The following PDE10A variants were observed in gnomAD, a reference collection of about 807,000 sequenced individuals.
PDE10A encodes cAMP and cAMP-inhibited cGMP 3',5'-cyclic phosphodiesterase 10A.
PDE10A carries 39 observed loss-of-function variants against 97.7 expected under a neutral mutation model. The observed-to-expected ratio is 0.40, with a 90% CI of 0.31 to 0.52. PDE10A has a LOEUF of 0.52. Ranked by LOEUF, PDE10A falls within the 20% of genes least tolerant of loss-of-function variation. The probability of loss-of-function intolerance (pLI) is 0.56; values close to 1 mark genes in which losing one functional copy is unlikely to be tolerated. For synonymous variants in PDE10A, 371 were observed against 376.8 expected, an observed-to-expected ratio of 0.98 and a Z score of 0.18; for missense variants, 731 against 1,047.8, an observed-to-expected ratio of 0.70 and a Z score of 4.17.
chr6:165,590,018 G>C (rs950893926), intron 1 of PDE10A, among the ~76,000 whole-genome samples: 1 of 152,180 alleles, frequency 6.6e-6, no homozygotes, highest in Admixed American at 6.5e-5. Flanking sequence ...ATCACAAATT[G>C]AGATAAAAAG....
At chr6:165,555,945 A>G (rs1300659950) in intron 1 of PDE10A, among the ~76,000 whole-genome samples, 1 of 152,222 alleles carries the variant, frequency 6.6e-6, no homozygotes, top group Non-Finnish European at 1.5e-5. Context: ...GATTTTTTCA[A>G]TAATTATACT....
chr6:165,907,614 G>C (rs964348268), intron 1 of PDE10A, among the ~76,000 whole-genome samples: 2 of 152,250 alleles, frequency 1.3e-5, no homozygotes, highest in Admixed American at 1.3e-4. Context: ...GGTGTCAGGG[G>C]TTCGTGTGCT....
chr6:165,423,835 C>T lies in PDE10A; in HGVS notation c.1653+4823G>A, dbSNP rs147448114. On this transcript the variant is annotated intron_variant, in intron 10 of 21. Coordinates refer to ENST00000539869, the MANE Select transcript of PDE10A (RefSeq NM_001385079.1). ...ACTGTACTCCAGCCTCCTGACAGAG[C>T]GAGACTATGTCTCAGGAAAAAAAAA... Among the ~76,000 whole-genome samples the T allele has an allele frequency of 2.2e-4, 32 of 146,108 alleles. No individual in the cohort carries two copies. In the East Asian group the frequency reaches 5.9e-3, roughly 27 times the overall value.
At chr6:165,555,016 G>A (rs1784182591) in intron 1 of PDE10A, among the ~76,000 whole-genome samples, 1 of 152,092 alleles carries the variant, frequency 6.6e-6, no homozygotes, top group Admixed American at 6.6e-5. Flanking sequence ...TTACCAGAGA[G>A]GCTAGGAAGT....
chr6:165,929,970 C>T (rs1783074879), intron 1 of PDE10A, among the ~76,000 whole-genome samples: 1 of 148,282 alleles, frequency 6.7e-6, no homozygotes, highest in South Asian at 2.1e-4. Context: ...GGCAACATCA[C>T]TCCAGGCGTG....
chr6:165,401,774 G>T (rs559579776), intron 13 of PDE10A, among the ~76,000 whole-genome samples: 142 of 152,244 alleles, frequency 9.3e-4, no homozygotes, highest in Admixed American at 1.1e-3. Flanking sequence ...TCTAGTGCAT[G>T]AACTTTCTGA....
intron 2 of PDE10A, among the ~76,000 whole-genome samples, chr6:165,530,888 C>T (rs1782737776): frequency 1.3e-5 from 2 of 152,220 alleles, no homozygotes; most frequent in South Asian, 4.2e-4. Flanking sequence ...AAAATTCATT[C>T]AAAATATATA....
chr6:165,432,918 C>G, intron 7 of PDE10A, 56 bp downstream of exon 7: 3 of 1,338,304 alleles, frequency 2.2e-6, no homozygotes, highest in South Asian at 1.3e-5. Flanking sequence ...TAACAAGCAC[C>G]TTCAATGAGC....
At chr6:165,470,028 T>TA (rs1233097139) in intron 3 of PDE10A, among the ~76,000 whole-genome samples, 14 of 152,160 alleles carry the variant, frequency 9.2e-5, no homozygotes, top group Non-Finnish European at 1.5e-5. Flanking sequence ...AGTGAGGGCA[T>TA]TGGTGTTTAG....
At chr6:165,494,454 G>C (rs2128290234) in intron 2 of PDE10A, among the ~76,000 whole-genome samples, 1 of 130,322 alleles carries the variant, frequency 7.7e-6, no homozygotes, top group East Asian at 2.3e-4. Flanking sequence ...TAAAGAAAAT[G>C]TGGGGGGGGG....
chr6:165,928,297 T>TA (rs1783008870), intron 1 of PDE10A, among the ~76,000 whole-genome samples: 1 of 152,152 alleles, frequency 6.6e-6, no homozygotes, highest in African/African-American at 2.4e-5. Flanking sequence ...GAATCATTCT[T>TA]ATTTGCACTG....
At chr6:165,839,008 C>T (rs1780141441) in intron 1 of PDE10A, among the ~76,000 whole-genome samples, 1 of 152,220 alleles carries the variant, frequency 6.6e-6, no homozygotes, top group Non-Finnish European at 1.5e-5. Flanking sequence ...AAATATATGA[C>T]ATTTGTGGCT....
At chr6:165,472,028 TTGAGA>T (rs1432486630) in intron 3 of PDE10A, among the ~76,000 whole-genome samples, 6 of 152,212 alleles carry the variant, frequency 3.9e-5, no homozygotes, top group African/African-American at 7.2e-5. Context: ...TTTAAATAAC[TTGAGA>T]TGAGTTATTT....
At chr6:165,741,930 C>T (rs1792735446) in intron 1 of PDE10A, among the ~76,000 whole-genome samples, 1 of 152,120 alleles carries the variant, frequency 6.6e-6, no homozygotes, top group Non-Finnish European at 1.5e-5. Context: ...GCAAAGATGA[C>T]ATATTGAGAC....
chr6:165,470,664 C>G (rs1778940023), intron 3 of PDE10A, among the ~76,000 whole-genome samples: 1 of 152,036 alleles, frequency 6.6e-6, no homozygotes, highest in Non-Finnish European at 1.5e-5. Context: ...ATTAGAAAAC[C>G]TCTTTTCAAA....
rs185330092 is a variant in PDE10A at position 165,339,657 on chromosome 6, G to A, written c.2896-299C>T. Among the ~76,000 whole-genome samples the A allele has an allele frequency of 1.6e-4, 25 of 152,246 alleles. No homozygotes were observed. The East Asian group carries it at 3.9e-3, about 24-fold the overall frequency. ...GAGGAGATACAGTAAACAGTGAGGA[G>A]AAATAACAATAACAAGATATGGAAT... is the stretch of plus-strand genomic sequence containing the variant. On this transcript the variant is annotated intron_variant, in intron 19 of 21. Coordinates refer to ENST00000539869, the MANE Select transcript of PDE10A (RefSeq NM_001385079.1).
intron 1 of PDE10A, among the ~76,000 whole-genome samples, chr6:165,597,317 T>G (rs1351919599): frequency 6.6e-6 from 1 of 152,194 alleles, no homozygotes; most frequent in Non-Finnish European, 1.5e-5. Context: ...TGGATTAAGT[T>G]TCTTAATAGT....
chr6:165,872,398 C>T lies in PDE10A; in HGVS notation c.-615+115131G>A, dbSNP rs80078740. ...CATGTGGTGGGTGTGGAGGTGCTGA[C>T]GCCCACTGAACATGTTGGTGGGTCC... On this transcript the variant is annotated intron_variant, in intron 1 of 19. Coordinates refer to the PDE10A transcript ENST00000366882. Among the ~76,000 whole-genome samples the T allele has an allele frequency of 1.5e-3, 221 of 152,264 alleles. 4 individuals are homozygous for T. The East Asian group carries it at 0.037, about 25-fold the overall frequency.
chr6:165,587,167 G>GT (rs1320514701), intron 1 of PDE10A, among the ~76,000 whole-genome samples: 1 of 152,164 alleles, frequency 6.6e-6, no homozygotes, highest in Non-Finnish European at 1.5e-5. Flanking sequence ...TGTTCTCATC[G>GT]TATCACCTGC....
Sources: allele counts gnomAD v4.1 joint callset (sites outside exome capture counted in the v4.1 genomes callset), GRCh38; gene constraint gnomAD v4.1.1; transcripts MANE v1.5; gene names NCBI Gene and HGNC (gene_info 2026-07-23, HGNC 2026-07-21).